The following FGF12 variants were observed in gnomAD, a reference collection of about 807,000 sequenced individuals.
FGF12 encodes the protein fibroblast growth factor 12B.
Under a neutral mutation model 23.6 loss-of-function variants are expected in FGF12, and 14 were observed. The ratio of observed to expected loss-of-function variants is 0.59; its 90% CI spans 0.39 to 0.93. The LOEUF (loss-of-function observed/expected upper bound fraction) is 0.93. FGF12 is among the 40% of genes least tolerant of loss of function. FGF12 has a pLI of 0.00. For synonymous variants in FGF12, 62 were observed against 77.3 expected, an observed-to-expected ratio of 0.80 and a Z score of 1.04; for missense variants, 175 against 217.8, an observed-to-expected ratio of 0.80 and a Z score of 1.24.
chr3:192,711,196 G>A (rs2108739049), intron 2 of FGF12, among the ~76,000 whole-genome samples: 1 of 152,346 alleles, frequency 6.6e-6, no homozygotes, highest in African/African-American at 2.4e-5. Context: ...TATAGAGGGA[G>A]ATTAAAACTT....
At chr3:192,299,855 T>C (rs1432171507) in intron 4 of FGF12, among the ~76,000 whole-genome samples, 1 of 152,182 alleles carries the variant, frequency 6.6e-6, no homozygotes, top group Non-Finnish European at 1.5e-5. Context: ...TGAACTCAAG[T>C]CTTCCCGATC....
intron 2 of FGF12, among the ~76,000 whole-genome samples, chr3:192,413,604 A>G (rs1721262937): frequency 1.3e-5 from 2 of 152,236 alleles, no homozygotes; most frequent in African/African-American, 4.8e-5. Context: ...ATTCATACAC[A>G]TCATCATTCA....
chr3:192,663,909 C>CA (rs1382427349), intron 2 of FGF12, among the ~76,000 whole-genome samples: 1 of 152,194 alleles, frequency 6.6e-6, no homozygotes, highest in Non-Finnish European at 1.5e-5. Flanking sequence ...AGCATTTTCA[C>CA]ATGCATTATA....
chr3:192,283,277 A>G (rs1255581915), intron 4 of FGF12, among the ~76,000 whole-genome samples: 1 of 152,140 alleles, frequency 6.6e-6, no homozygotes, highest in East Asian at 1.9e-4. Context: ...TAGTAATAAC[A>G]GTATGAAAAG....
intron 2 of FGF12, among the ~76,000 whole-genome samples, chr3:192,622,707 A>G (rs1715017194): frequency 6.6e-6 from 1 of 152,188 alleles, no homozygotes; most frequent in African/African-American, 2.4e-5. Flanking sequence ...CATTTCATAA[A>G]CTGTGAAACA....
intron 2 of FGF12, among the ~76,000 whole-genome samples, chr3:192,512,480 C>G (rs992913461): frequency 2.6e-5 from 4 of 152,010 alleles, no homozygotes; most frequent in Non-Finnish European, 5.9e-5. Flanking sequence ...TCAACTAAAT[C>G]TTTAGCTGCT....
intron 2 of FGF12, among the ~76,000 whole-genome samples, chr3:192,574,124 T>A (rs1712774595): frequency 6.6e-6 from 1 of 152,236 alleles, no homozygotes. Flanking sequence ...AGGACTCTTG[T>A]ATTTTACTGA....
chr3:192,371,200 C>T (rs563545983), intron 2 of FGF12, among the ~76,000 whole-genome samples: 1 of 152,236 alleles, frequency 6.6e-6, no homozygotes, highest in South Asian at 2.1e-4. Context: ...GATTTCAGAG[C>T]CAGACAAGCC....
chr3:192,555,722 C>T (rs897550055), intron 2 of FGF12, among the ~76,000 whole-genome samples: 4 of 150,214 alleles, frequency 2.7e-5, no homozygotes, highest in Non-Finnish European at 4.4e-5. Flanking sequence ...TGCTTGAACC[C>T]GGGAGGTGGA....
chr3:192,585,741 C>CT (rs1351426752), intron 2 of FGF12, among the ~76,000 whole-genome samples: 1 of 152,108 alleles, frequency 6.6e-6, no homozygotes, highest in Admixed American at 6.5e-5. Context: ...AGGTGGAAGA[C>CT]TGGGGCCAAT....
At chr3:192,203,274 C>G (rs973025304) in intron 4 of FGF12, among the ~76,000 whole-genome samples, 11 of 152,140 alleles carry the variant, frequency 7.2e-5, no homozygotes, top group African/African-American at 2.4e-4. Flanking sequence ...GTCTTATAAC[C>G]TGTTTTTTAC....
intron 2 of FGF12, among the ~76,000 whole-genome samples, chr3:192,658,929 A>T (rs1335335079): frequency 6.6e-6 from 1 of 152,170 alleles, no homozygotes; most frequent in African/African-American, 2.4e-5. Flanking sequence ...TTTGCAAAGT[A>T]CACAGGATTC....
intron 4 of FGF12, among the ~76,000 whole-genome samples, chr3:192,172,777 AT>A (rs567398205): frequency 6.0e-4 from 91 of 151,002 alleles, no homozygotes; most frequent in Middle Eastern, 3.4e-3. Context: ...CAATCCAAAA[AT>A]TCCACTTTTA....
chr3:192,538,911 G>A (rs550131505), intron 2 of FGF12, among the ~76,000 whole-genome samples: 1 of 152,084 alleles, frequency 6.6e-6, no homozygotes, highest in East Asian at 1.9e-4. Context: ...TATTGCAAAC[G>A]GGATTGCTTT....
chr3:192,670,534 A>C (rs946392178), intron 2 of FGF12, among the ~76,000 whole-genome samples: 15 of 152,196 alleles, frequency 9.9e-5, no homozygotes, highest in Non-Finnish European at 2.9e-5. Flanking sequence ...TGAATAATAT[A>C]AATTGCCATA....
intron 2 of FGF12, among the ~76,000 whole-genome samples, chr3:192,476,399 C>G (rs952964210): frequency 2.0e-5 from 3 of 152,108 alleles, no homozygotes; most frequent in Non-Finnish European, 4.4e-5. Flanking sequence ...GAGTCTAAAG[C>G]CTGACTCCCA....
At chr3:192,381,303 A>G (rs1022456124) in intron 2 of FGF12, among the ~76,000 whole-genome samples, 7 of 152,198 alleles carry the variant, frequency 4.6e-5, no homozygotes, top group African/African-American at 1.7e-4. Flanking sequence ...AAGACCACGT[A>G]CATTCTGAAA....
rs149275901 is a variant in FGF12, at chr3:192,208,768, T to C, written c.229-38112A>G. 3.9e-5 allele frequency among the ~76,000 whole-genome samples: 6 copies of C among 152,326 alleles called. No homozygotes were observed. The East Asian group carries it at 1.2e-3, about 29-fold the overall frequency. Reference sequence around the variant, plus strand: ...ATCTTTACTGGGAGCAACTCCTTTGTAGTGAATTTACTTTTTCAAAATAGA... The same window carrying C: ...ATCTTTACTGGGAGCAACTCCTTTGCAGTGAATTTACTTTTTCAAAATAGA... On this transcript the variant is annotated intron_variant, in intron 4 of 5. Coordinates refer to ENST00000445105, the MANE Select transcript of FGF12 (RefSeq NM_004113.6).
intron 2 of FGF12, among the ~76,000 whole-genome samples, chr3:192,568,286 C>A (rs1177125114): frequency 6.6e-6 from 1 of 152,162 alleles, no homozygotes; most frequent in African/African-American, 2.4e-5. Flanking sequence ...ACGGGGAAAT[C>A]TTTTAAGGCC....
Sources: allele counts gnomAD v4.1 joint callset (sites outside exome capture counted in the v4.1 genomes callset), GRCh38; gene constraint gnomAD v4.1.1; transcripts MANE v1.5; gene names NCBI Gene and HGNC (gene_info 2026-07-23, HGNC 2026-07-21).